Variants in GALNT13 observed in about 807,000 individuals in gnomAD.
The protein encoded by GALNT13 is polypeptide N-acetylgalactosaminyltransferase 13.
A neutral mutation model predicts 64.2 loss-of-function variants in GALNT13; 28 were observed. That is an observed-to-expected ratio of 0.44 (90% CI 0.32 to 0.60). GALNT13 has a LOEUF of 0.60. GALNT13 is among the 20% of genes least tolerant of loss of function. GALNT13 has a pLI of 0.05. For synonymous variants in GALNT13, 214 were observed against 224.6 expected, an observed-to-expected ratio of 0.95 and a Z score of 0.42; for missense variants, 577 against 669.8, an observed-to-expected ratio of 0.86 and a Z score of 1.53.
the GALNT13 span, among the ~76,000 whole-genome samples, chr2:153,495,245 A>G: frequency 0.02 from 3,040 of 152,142 alleles, 96 homozygotes; most frequent in African/African-American, 0.069. Flanking sequence ...CAATTTCTTA[A>G]AATGTTAGAC....
At chr2:153,396,973 A>C in the GALNT13 span, among the ~76,000 whole-genome samples, 1 of 152,160 alleles carries the variant, frequency 6.6e-6, no homozygotes, top group Non-Finnish European at 1.5e-5. Flanking sequence ...TCTGAGTACC[A>C]CAAAAAATGA....
chr2:153,447,746 A>G, the GALNT13 span, among the ~76,000 whole-genome samples: 1 of 152,208 alleles, frequency 6.6e-6, no homozygotes, highest in African/African-American at 2.4e-5. Flanking sequence ...TGACCTAACT[A>G]GCAGCTTTAT....
chr2:153,333,089 G>A, the GALNT13 span, among the ~76,000 whole-genome samples: 1 of 152,218 alleles, frequency 6.6e-6, no homozygotes, highest in Non-Finnish European at 1.5e-5. Context: ...TCCAGTCCCT[G>A]TCCAGAGATT....
chr2:153,864,190 T>A, the GALNT13 span, among the ~76,000 whole-genome samples: 5,675 of 152,258 alleles, frequency 0.037, 166 homozygotes, highest in East Asian at 0.12. Flanking sequence ...CCACAAATTT[T>A]GTTGGCAGTG....
At chr2:154,118,245 A>G (rs1194441273) in intron 3 of GALNT13, among the ~76,000 whole-genome samples, 5 of 148,190 alleles carry the variant, frequency 3.4e-5, no homozygotes, top group Non-Finnish European at 6.0e-5. Context: ...CTTTTTGATG[A>G]ATTGACCTCT....
At chr2:153,444,182 C>T in the GALNT13 span, among the ~76,000 whole-genome samples, 1 of 152,134 alleles carries the variant, frequency 6.6e-6, no homozygotes, top group Non-Finnish European at 1.5e-5. Context: ...TCCATCCATC[C>T]ACTCACCCAC....
At chr2:154,447,720 A>G (rs1348350696) in intron 12 of GALNT13, among the ~76,000 whole-genome samples, 4 of 151,916 alleles carry the variant, frequency 2.6e-5, no homozygotes, top group Admixed American at 2.0e-4. Flanking sequence ...ATGGGGTACT[A>G]TTTTACTTAG....
chr2:154,228,033 A>C (rs768648787), intron 4 of GALNT13, among the ~76,000 whole-genome samples: 2 of 152,016 alleles, frequency 1.3e-5, no homozygotes, highest in Admixed American at 6.6e-5. Flanking sequence ...TGATGTTAAC[A>C]TTGTTCTCAA....
At chr2:153,503,670 G>A in the GALNT13 span, among the ~76,000 whole-genome samples, 2 of 151,958 alleles carry the variant, frequency 1.3e-5, no homozygotes, top group African/African-American at 4.8e-5. Context: ...CAAACTCCTG[G>A]CCTCAAATGA....
the GALNT13 span, among the ~76,000 whole-genome samples, chr2:153,540,404 T>C: frequency 1.3e-5 from 2 of 152,138 alleles, no homozygotes; most frequent in African/African-American, 2.4e-5. Context: ...AGGGGTGAAG[T>C]CCTCATGGAG....
chr2:154,032,824 T>C (rs1698421444), intron 3 of GALNT13, among the ~76,000 whole-genome samples: 1 of 149,896 alleles, frequency 6.7e-6, no homozygotes, highest in Admixed American at 6.6e-5. Context: ...TCAGTGCTTT[T>C]CCACTAAGAT....
At chr2:154,247,553 CG>C (rs1225766964) in intron 7 of GALNT13, among the ~76,000 whole-genome samples, 8 of 151,814 alleles carry the variant, frequency 5.3e-5, no homozygotes, top group Admixed American at 3.3e-4. Context: ...CAGAGTCAAA[CG>C]GAAGATAACT....
At chr2:153,181,991 TG>T in the GALNT13 span, among the ~76,000 whole-genome samples, 2 of 150,940 alleles carry the variant, frequency 1.3e-5, no homozygotes, top group South Asian at 4.1e-4. Context: ...TTATTCAGCT[TG>T]AAAATAAATT....
the GALNT13 span, among the ~76,000 whole-genome samples, chr2:153,305,336 G>A: frequency 6.6e-6 from 1 of 152,188 alleles, no homozygotes; most frequent in African/African-American, 2.4e-5. Flanking sequence ...GGTTCTAGGA[G>A]TATCTGTCAT....
At chr2:153,456,883 C>A in the GALNT13 span, among the ~76,000 whole-genome samples, 1 of 152,130 alleles carries the variant, frequency 6.6e-6, no homozygotes, top group Non-Finnish European at 1.5e-5. Flanking sequence ...ATGCAGGGTC[C>A]AGGCGGATAA....
At chr2:154,412,660 T>C (rs952961442) in intron 11 of GALNT13, among the ~76,000 whole-genome samples, 23 of 151,898 alleles carry the variant, frequency 1.5e-4, no homozygotes, top group African/African-American at 5.5e-4. Flanking sequence ...GAAACTTACT[T>C]TTCAGTAGTT....
intron 9 of GALNT13, among the ~76,000 whole-genome samples, chr2:154,375,207 CT>C (rs1214633101): frequency 9.9e-6 from 1 of 101,062 alleles, no homozygotes; most frequent in Non-Finnish European, 2.4e-5. Flanking sequence ...CCAGGATGAT[CT>C]CGATCTACTG....
At chr2:153,235,220 C>T in the GALNT13 span, among the ~76,000 whole-genome samples, 74,653 of 151,878 alleles carry the variant, frequency 0.49, 18,881 homozygotes, top group African/African-American at 0.57. Context: ...TTAATAACTC[C>T]ACAATGTCCT....
At chr2:154,184,670 A>G (rs902920801) in intron 4 of GALNT13, among the ~76,000 whole-genome samples, 2 of 152,120 alleles carry the variant, frequency 1.3e-5, no homozygotes, top group Non-Finnish European at 2.9e-5. Context: ...TATAAGATGT[A>G]TGGCAAGAGA....
Sources: allele counts gnomAD v4.1 joint callset (sites outside exome capture counted in the v4.1 genomes callset), GRCh38; gene constraint gnomAD v4.1.1; transcripts MANE v1.5; gene names NCBI Gene and HGNC (gene_info 2026-07-23, HGNC 2026-07-21).